Variants in XIRP2 observed in about 807,000 individuals in gnomAD.
XIRP2 encodes the protein xin actin binding repeat containing 2.
XIRP2 carries 236 observed loss-of-function variants against 277.0 expected under a neutral mutation model. The ratio of observed to expected loss-of-function variants is 0.85; its 90% confidence interval spans 0.77 to 0.95. XIRP2 has a LOEUF of 0.95. Among genes scored for constraint, XIRP2 ranks in the 40% least tolerant of loss-of-function variants. The pLI, the probability that XIRP2 is intolerant of heterozygous loss-of-function variation, is 0.00. For synonymous variants in XIRP2, 1,490 were observed against 1,416.5 expected (o/e 1.05, Z -1.17); for missense variants, 4,640 against 4,157.5 (o/e 1.12, Z -3.19).
chr2:166,924,037 G>GA (rs71395265), intron 2 of XIRP2, among the ~76,000 whole-genome samples: 5 of 151,658 alleles, frequency 3.3e-5, no homozygotes, highest in African/African-American at 9.7e-5. Flanking sequence ...GATATGCCCT[G>GA]AAAAAAAATA....
In XIRP2 at chr2:167,242,751, T is replaced by G; in HGVS notation, c.1359T>G (p.Pro453=). Residue 453 remains proline, a synonymous_variant, in exon 9 of 11, where the codon CCT becomes CCG. Transcript: ENST00000409195. ...ATSSGMTEEF[P]PPPPDVLQTS... ...CTTCAGGAATGACAGAAGAATTTCC[T>G]CCTCCCCCACCTGACGTACTTCAAA... 6.2e-7 allele frequency: 1 copy of G among 1,614,024 alleles called. No individual in the cohort carries two copies. Among genetic ancestry groups the G allele is most frequent in the Non-Finnish European group, 8.5e-7 (1 of 1,179,930 alleles).
At chr2:167,081,763 T>A (rs539807874) in intron 2 of XIRP2, among the ~76,000 whole-genome samples, 21 of 152,270 alleles carry the variant, frequency 1.4e-4, no homozygotes, top group South Asian at 2.1e-4. Flanking sequence ...CAAGAAGGTG[T>A]AATTGGCTTT....
At chr2:167,174,757 G>C (rs572915905) in intron 3 of XIRP2, among the ~76,000 whole-genome samples, 1 of 152,246 alleles carries the variant, frequency 6.6e-6, no homozygotes, top group East Asian at 1.9e-4. Context: ...TGTTTTATCT[G>C]TGTCACAGAG....
At chr2:166,964,810 T>C (rs1237299980) in intron 2 of XIRP2, among the ~76,000 whole-genome samples, 1 of 151,880 alleles carries the variant, frequency 6.6e-6, no homozygotes, top group Non-Finnish European at 1.5e-5. Flanking sequence ...TCCCACTCAA[T>C]ATACCTCTTT....
At chr2:167,205,184 C>T (rs1372630522) in intron 3 of XIRP2, among the ~76,000 whole-genome samples, 1 of 152,124 alleles carries the variant, frequency 6.6e-6, no homozygotes, top group Non-Finnish European at 1.5e-5. Flanking sequence ...GCTCCCAACT[C>T]AACTGGTACA....
intron 3 of XIRP2, 62 bp from the exon 4 acceptor site, chr2:167,210,673 G>C: frequency 6.3e-7 from 1 of 1,583,152 alleles, no homozygotes; most frequent in Admixed American, 1.7e-5. Context: ...CATTTATAAG[G>C]TGATGCTGTT....
At position 167,086,587 on chromosome 2, in the gene XIRP2, A is replaced by G. The variant is rs543955907; in HGVS notation, c.409-49322A>G. Among the ~76,000 whole-genome samples the G allele has an allele frequency of 9.2e-5, 14 of 151,938 alleles. No individual in the cohort carries two copies. The East Asian group carries it at 2.3e-3, about 25-fold the overall frequency. On this transcript the variant is annotated intron_variant, in intron 2 of 10. Coordinates refer to ENST00000409195, the MANE Select transcript of XIRP2 (RefSeq NM_152381.6). ...CATCACTTTCAGGTACACCAATCAG[A>G]CGTAGATTTGGTCTTTTCACATAGT...
At chr2:167,203,358 C>G (rs1693773722) in intron 3 of XIRP2, among the ~76,000 whole-genome samples, 1 of 152,162 alleles carries the variant, frequency 6.6e-6, no homozygotes, top group East Asian at 1.9e-4. Context: ...CTTTTTATTA[C>G]CATGAGAGAT....
intron 3 of XIRP2, among the ~76,000 whole-genome samples, chr2:167,200,971 C>CA (rs200701700): frequency 0.042 from 6,300 of 151,750 alleles, 440 homozygotes; most frequent in African/African-American, 0.14. Context: ...ACTAAAACTA[C>CA]AAAAATTAGC....
Position 167,243,182 on chromosome 2 carries a change from G to A in XIRP2, c.1790G>A (p.Gly597Asp). ...DSINNGSPDE[G>D]DISRGIADQE... ...ATCAACAATGGCTCTCCTGATGAAG[G>A]TGATATTTCCAGGGGCATTGCTGAT... The change falls in exon 9 of 11, where the codon GGT (glycine) becomes GAT (aspartate). Residue 597 changes from glycine to aspartate, a missense_variant. Transcript: ENST00000409195. The A allele has an allele frequency of 6.2e-7, 1 of 1,614,112 alleles. No individual in the cohort carries two copies. Among genetic ancestry groups the A allele is most frequent in the Non-Finnish European group, 8.5e-7 (1 of 1,180,000 alleles).
chr2:166,962,869 G>GT (rs1291930316), intron 2 of XIRP2, among the ~76,000 whole-genome samples: 1 of 151,726 alleles, frequency 6.6e-6, no homozygotes, highest in South Asian at 2.1e-4. Context: ...ATTTAAACCA[G>GT]TTTTTTTCTT....
chr2:167,065,780 G>A (rs954810240), intron 2 of XIRP2, among the ~76,000 whole-genome samples: 3 of 151,620 alleles, frequency 2.0e-5, no homozygotes, highest in Non-Finnish European at 4.4e-5. Flanking sequence ...TTCCCAGGTG[G>A]TACATTTTAT....
chr2:167,103,362 TGC>T (rs2105287984), intron 2 of XIRP2, among the ~76,000 whole-genome samples: 1 of 152,228 alleles, frequency 6.6e-6, no homozygotes, highest in East Asian at 1.9e-4. Flanking sequence ...ATATCTGAAG[TGC>T]ATAAAGGCCT....
At chr2:167,085,018 C>A (rs1165970449) in intron 2 of XIRP2, among the ~76,000 whole-genome samples, 2 of 100,384 alleles carry the variant, frequency 2.0e-5, no homozygotes, top group East Asian at 5.3e-4. Flanking sequence ...TTTTCTAGTT[C>A]TTTTAATTGT....
chr2:167,064,182 A>G (rs1461882829), intron 2 of XIRP2, among the ~76,000 whole-genome samples: 9 of 151,842 alleles, frequency 5.9e-5, no homozygotes, highest in Admixed American at 5.9e-4. Context: ...TTTTGAAATG[A>G]TTACCACAAT....
At chr2:166,967,169 T>C (rs1004760790) in intron 2 of XIRP2, among the ~76,000 whole-genome samples, 9 of 151,822 alleles carry the variant, frequency 5.9e-5, no homozygotes, top group African/African-American at 2.2e-4. Context: ...TTTACCACCA[T>C]AGTAAAGAAA....
chr2:167,214,329 TAGCCA>T (rs1301899310), intron 4 of XIRP2, among the ~76,000 whole-genome samples: 2 of 139,190 alleles, frequency 1.4e-5, no homozygotes, highest in Non-Finnish European at 3.0e-5. Context: ...GGAAGGAAGA[TAGCCA>T]AGCATGATGG....
intron 2 of XIRP2, among the ~76,000 whole-genome samples, chr2:167,115,727 T>C (rs1019268720): frequency 6.6e-6 from 1 of 152,204 alleles, no homozygotes; most frequent in East Asian, 1.9e-4. Flanking sequence ...TCAAGCTGCA[T>C]CCTTGCCAGG....
chr2:167,012,917 T>C (rs142337510), intron 2 of XIRP2, among the ~76,000 whole-genome samples: 59 of 151,576 alleles, frequency 3.9e-4, no homozygotes, highest in Admixed American at 3.8e-3. Context: ...CAGTTCATCA[T>C]TGGTTCTTTC....
Sources: allele counts gnomAD v4.1 joint callset (sites outside exome capture counted in the v4.1 genomes callset), GRCh38; gene constraint gnomAD v4.1.1; transcripts MANE v1.5; gene names NCBI Gene and HGNC (gene_info 2026-07-23, HGNC 2026-07-21).